Variants in ART3 observed in about 807,000 individuals in gnomAD.
ART3 encodes the protein ecto-ADP-ribosyltransferase 3.
Under a neutral mutation model 48.5 loss-of-function variants are expected in ART3, and 49 were observed. The observed-to-expected ratio is 1.01, with a 90% CI of 0.80 to 1.28. The LOEUF is 1.28. ART3 is among the 50% of genes most tolerant of loss of function. The pLI, the probability that ART3 is intolerant of heterozygous loss-of-function variation, is 0.00. For missense variants in ART3, 438 were observed against 454.3 expected (o/e 0.96, Z 0.33); for synonymous variants, 145 against 157.2 (o/e 0.92, Z 0.58).
intron 1 of ART3, among the ~76,000 whole-genome samples, chr4:76,038,076 AATTGT>A (rs10551651): frequency 0.61 from 92,221 of 151,286 alleles, 29,124 homozygotes; most frequent in East Asian, 0.94. Flanking sequence ...ATAAGTTTTA[AATTGT>A]GCACTTTTCT....
intron 1 of ART3, chr4:76,058,220 A>G (rs1283041395): frequency 1.3e-5 from 2 of 152,154 alleles, no homozygotes; most frequent in Non-Finnish European, 1.5e-5. Flanking sequence ...TCATTTTACT[A>G]TTGGAATTAC....
chr4:76,112,425 C>A lies in ART3; in HGVS notation c.1076C>A (p.Pro359His). The change falls in exon 12 of 12, where the codon CCT becomes CAT. Residue 359 changes from proline to histidine, a missense_variant. Transcript: ENST00000355810. ...PVPVPGPKSHPSASSGKLLLP... is the reference protein window; with the variant it reads ...PVPVPGPKSHHSASSGKLLLP... ...CCTGTTCCAGGTCCCAAAAGCCATC[C>A]TTCTGCATCCTCGGGCAAACTGCTG... 1 of 1,614,098 alleles carries A rather than the reference C, an allele frequency of 6.2e-7. No homozygotes were observed. The highest frequency in any genetic ancestry group is 8.5e-7 in the Non-Finnish European group (1 of 1,179,992).
At chr4:76,071,720 C>G (rs1186097984), upstream of ART3, among the ~76,000 whole-genome samples, 6 of 152,154 alleles carry the variant, frequency 3.9e-5, no homozygotes, top group East Asian at 1.2e-3. Context: ...CACTTGAGTT[C>G]CAGGATACTT....
chr4:76,106,394 G>C (rs960352445), intron 10 of ART3: 3 of 980,970 alleles, frequency 3.1e-6, no homozygotes, highest in Non-Finnish European at 3.6e-6. Flanking sequence ...TGCCAGTTAG[G>C]ACAGATTTAT....
intron 1 of ART3, among the ~76,000 whole-genome samples, chr4:76,026,861 G>C (rs1300629604): frequency 1.3e-5 from 2 of 152,138 alleles, no homozygotes; most frequent in Admixed American, 6.5e-5. Flanking sequence ...GCTAATCTCA[G>C]GGAATACTAG....
chr4:76,034,451 A>G (rs1734159270), intron 1 of ART3: 1 of 492,740 alleles, frequency 2.0e-6, no homozygotes, highest in Non-Finnish European at 3.5e-6. Context: ...CTAGAAATGC[A>G]TGAATGTATA....
intron 1 of ART3, chr4:76,057,857 C>A (rs1435121990): frequency 2.0e-5 from 3 of 152,230 alleles, no homozygotes; most frequent in African/African-American, 7.2e-5. Flanking sequence ...ATCTCTGTTA[C>A]AAGTTTTTTG....
chr4:76,046,687 C>T (rs1195580658), intron 1 of ART3, among the ~76,000 whole-genome samples: 1 of 151,926 alleles, frequency 6.6e-6, no homozygotes, highest in South Asian at 2.1e-4. Flanking sequence ...GTAACTTTTT[C>T]CCCATATTCA....
At chr4:76,082,862 G>A (rs1276771177) in intron 3 of ART3, among the ~76,000 whole-genome samples, 1 of 151,986 alleles carries the variant, frequency 6.6e-6, no homozygotes, top group Non-Finnish European at 1.5e-5. Context: ...ACATCTAATG[G>A]GTAGAGGCCA....
At position 76,103,998 on chromosome 4, in the gene ART3, G is replaced by A. The variant is rs367630628; in HGVS notation, c.970+29G>A. On this transcript the variant is annotated intron_variant, in intron 9 of 11. Transcript: ENST00000355810. ...AGACAGCTTTCTATTTACTCCCTGA[G>A]CCCAAGAATGAGTTGAGCAGGATTC... 3.1e-6 allele frequency: 5 copies of A among 1,607,486 alleles called. No individual in the cohort carries two copies. In the East Asian group the frequency reaches 8.9e-5, roughly 29 times the overall value.
At chr4:76,104,504 G>A (rs1246669574) in intron 9 of ART3, 93 bp from the exon 10 acceptor site, 2 of 1,543,888 alleles carry the variant, frequency 1.3e-6, no homozygotes, top group East Asian at 2.4e-5. Flanking sequence ...GGGGCCTTGG[G>A]TGCTTGCATC....
chr4:76,076,005 T>TTG, intron 2 of ART3, 47 bp downstream of exon 2: 1 of 654,716 alleles, frequency 1.5e-6, no homozygotes, highest in Non-Finnish European at 2.1e-6. Flanking sequence ...TGGAAATTCG[T>TTG]TTTTTTTTTT....
At chr4:76,064,144 A>G (rs1217341170) in intron 1 of ART3, among the ~76,000 whole-genome samples, 4 of 152,224 alleles carry the variant, frequency 2.6e-5, no homozygotes, top group Non-Finnish European at 4.4e-5. Flanking sequence ...CAGTTTGTCC[A>G]GGTTAGAACT....
At chr4:76,055,454 G>A (rs1326956490) in intron 1 of ART3, among the ~76,000 whole-genome samples, 1 of 152,196 alleles carries the variant, frequency 6.6e-6, no homozygotes, top group Non-Finnish European at 1.5e-5. Flanking sequence ...GCCTTTAAGA[G>A]TTTATATAAC....
intron 1 of ART3, 140 bp from the exon 2 acceptor site, chr4:76,075,741 G>A: frequency 3.2e-6 from 2 of 623,120 alleles, no homozygotes; most frequent in Non-Finnish European, 5.5e-6. Flanking sequence ...AGCCCGTTAG[G>A]AATTTATTGA....
rs552321926 is a variant in ART3, at chr4:76,016,635, C to T, written c.-10+5315C>T. On this transcript the variant is annotated intron_variant, in intron 1 of 9. Transcript: ENST00000341029. The stretch of plus-strand genomic sequence containing the variant: ...TACCATCAGCATGTGGAAAAGTCAG[C>T]CAGGCTTATATCCTTCCCTGCAAGC... Among the ~76,000 whole-genome samples, 4 of 152,320 alleles carry T rather than the reference C, an allele frequency of 2.6e-5. No homozygotes were observed. In the South Asian group the frequency reaches 8.3e-4, roughly 32 times the overall value.
At chr4:76,099,386 TGCAGATATAAA>T (rs1726761750) in intron 5 of ART3, 1 of 226,274 alleles carries the variant, frequency 4.4e-6, no homozygotes, top group African/African-American at 2.3e-5. Flanking sequence ...GAAGAAAATT[TGCAGATATAAA>T]GCAGTGACTT....
intron 1 of ART3, among the ~76,000 whole-genome samples, chr4:76,049,921 G>A (rs60630277): frequency 0.13 from 19,774 of 151,556 alleles, 1,828 homozygotes; most frequent in East Asian, 0.38. Flanking sequence ...GGATGTGTTC[G>A]GAGTTTGTTC....
chr4:76,077,405 A>G (rs915537119), intron 2 of ART3, among the ~76,000 whole-genome samples: 2 of 152,130 alleles, frequency 1.3e-5, no homozygotes, highest in Admixed American at 6.5e-5. Flanking sequence ...TTGTTTATCC[A>G]TTTATCAGCT....
Sources: gnomAD v4.1 joint callset for allele counts (sites outside exome capture counted in the v4.1 genomes callset) on GRCh38, gnomAD v4.1.1 for gene constraint, MANE v1.5 for transcripts, NCBI Gene and HGNC (gene_info 2026-07-23, HGNC 2026-07-21) for gene names.